The following TMC1 variants were observed in gnomAD, a reference collection of about 807,000 sequenced individuals.
TMC1 encodes transmembrane channel-like protein 1.
Under a neutral mutation model 105.8 loss-of-function variants are expected in TMC1, and 84 were observed. The observed-to-expected ratio is 0.79, with a 90% confidence interval of 0.67 to 0.95. The LOEUF is 0.95. Among genes scored for constraint, TMC1 ranks in the 40% least tolerant of loss-of-function variants. The probability of loss-of-function intolerance (pLI) is 0.00; values close to 1 mark genes in which losing one functional copy is unlikely to be tolerated. For synonymous variants in TMC1, 315 were observed against 311.5 expected, an observed-to-expected ratio of 1.01 and a Z score of -0.12; for missense variants, 817 against 914.1, an observed-to-expected ratio of 0.89 and a Z score of 1.37.
chr9:72,791,796 G>C, intron 15 of TMC1, 90 bp from the exon 16 acceptor site: 2 of 1,061,204 alleles, frequency 1.9e-6, no homozygotes, highest in Non-Finnish European at 2.9e-6. Flanking sequence ...GATCAAAGAA[G>C]CCTAGCTCAG....
At chr9:72,669,251 G>A (rs1053064912) in intron 5 of TMC1, among the ~76,000 whole-genome samples, 2 of 152,188 alleles carry the variant, frequency 1.3e-5, no homozygotes, top group Non-Finnish European at 2.9e-5. Context: ...GGAGGTAGCA[G>A]TGAGCTGGAA....
intron 5 of TMC1, among the ~76,000 whole-genome samples, chr9:72,675,206 G>T (rs1457671561): frequency 6.6e-6 from 1 of 152,150 alleles, no homozygotes; most frequent in African/African-American, 2.4e-5. Context: ...TGAAGAACCA[G>T]AAGTGAGGGT....
At chr9:72,670,005 T>C (rs1159276869) in intron 5 of TMC1, among the ~76,000 whole-genome samples, 2 of 152,112 alleles carry the variant, frequency 1.3e-5, no homozygotes, top group Non-Finnish European at 2.9e-5. Flanking sequence ...TGGAAACTAT[T>C]GCTCTTTCTG....
At chr9:72,819,937 G>A (rs1588100173) in intron 19 of TMC1, among the ~76,000 whole-genome samples, 1 of 152,114 alleles carries the variant, frequency 6.6e-6, no homozygotes, top group East Asian at 1.9e-4. Flanking sequence ...TCTCATCCAA[G>A]AAGAGTGAAA....
intron 17 of TMC1, among the ~76,000 whole-genome samples, chr9:72,797,895 G>A (rs1200409397): frequency 6.6e-6 from 1 of 152,134 alleles, no homozygotes; most frequent in Non-Finnish European, 1.5e-5. Context: ...AAGAGCTCCA[G>A]CACAGCAAAA....
intron 18 of TMC1, among the ~76,000 whole-genome samples, chr9:72,812,644 A>G (rs112261489): frequency 3.3e-5 from 5 of 152,236 alleles, no homozygotes; most frequent in Non-Finnish European, 7.3e-5. Context: ...TTCCCAGGTG[A>G]TGCTGCTGAC....
chr9:72,789,971 A>T (rs1564555643), intron 15 of TMC1, among the ~76,000 whole-genome samples: 2 of 152,206 alleles, frequency 1.3e-5, no homozygotes, highest in African/African-American at 4.8e-5. Context: ...CAGGAATTAA[A>T]CATTATGACC....
At chr9:72,781,746 C>T (rs1265464592) in intron 13 of TMC1, among the ~76,000 whole-genome samples, 3 of 152,062 alleles carry the variant, frequency 2.0e-5, no homozygotes, top group Non-Finnish European at 4.4e-5. Flanking sequence ...CATATAACCT[C>T]CCAAGATTGA....
At chr9:72,636,195 C>T (rs759298089) in intron 4 of TMC1, among the ~76,000 whole-genome samples, 16 of 152,112 alleles carry the variant, frequency 1.1e-4, no homozygotes, top group African/African-American at 1.4e-4. Context: ...TTAAGTTAGA[C>T]GCATCTCTAA....
At chr9:72,762,291 G>C (rs776300134) in intron 12 of TMC1, among the ~76,000 whole-genome samples, 1 of 152,152 alleles carries the variant, frequency 6.6e-6, no homozygotes, top group East Asian at 1.9e-4. Flanking sequence ...GGGTTTGTGT[G>C]ACCTCAATGT....
intron 18 of TMC1, among the ~76,000 whole-genome samples, chr9:72,807,571 A>T (rs1828626342): frequency 6.6e-6 from 1 of 152,226 alleles, no homozygotes; most frequent in East Asian, 1.9e-4. Context: ...CTATAAGTTT[A>T]CTAGCATTTC....
chr9:72,688,732 G>C lies in TMC1; in HGVS notation c.40G>C (p.Glu14Gln), dbSNP rs1483956051. Reference sequence around the variant, plus strand: ...AGTACAAATCAAAGTGGAGGAAAAAGAAGACGAGACTGAGGAAAGCTCAAG... The same window carrying C: ...AGTACAAATCAAAGTGGAGGAAAAACAAGACGAGACTGAGGAAAGCTCAAG... The part of the protein sequence containing the change: ...KKVQIKVEEK[E>Q]DETEESSSEE... Residue 14 changes from glutamate to glutamine, a missense_variant, in exon 6 of 24, where the codon GAA (glutamate) becomes CAA (glutamine). Transcript: ENST00000297784. 6.2e-7 allele frequency: 1 copy of C among 1,612,212 alleles called. No individual in the cohort carries two copies. Among genetic ancestry groups the C allele is most frequent in the Non-Finnish European group, 8.5e-7 (1 of 1,178,826 alleles).
At chr9:72,631,158 T>A (rs1375505165) in intron 4 of TMC1, among the ~76,000 whole-genome samples, 1 of 152,156 alleles carries the variant, frequency 6.6e-6, no homozygotes, top group Non-Finnish European at 1.5e-5. Flanking sequence ...GGATTACAGG[T>A]GTGAGCACCA....
chr9:72,593,092 A>G (rs1214316968), intron 2 of TMC1, among the ~76,000 whole-genome samples: 2 of 152,330 alleles, frequency 1.3e-5, no homozygotes, highest in East Asian at 1.9e-4. Context: ...AAATGGTTGG[A>G]AAAATTGGAT....
chr9:72,716,935 T>C (rs1584126), intron 8 of TMC1, among the ~76,000 whole-genome samples: 84,283 of 151,696 alleles, frequency 0.56, 24,506 homozygotes, highest in African/African-American at 0.74. Context: ...CTGCAGGTTG[T>C]GAAGACCATG....
intron 11 of TMC1, among the ~76,000 whole-genome samples, chr9:72,753,237 G>A (rs1387363316): frequency 1.3e-5 from 2 of 149,018 alleles, no homozygotes; most frequent in Non-Finnish European, 3.0e-5. Context: ...CACACTTTCA[G>A]GTAATGAAGC....
intron 23 of TMC1, among the ~76,000 whole-genome samples, chr9:72,832,970 G>C (rs1273465429): frequency 6.6e-6 from 1 of 151,982 alleles, no homozygotes; most frequent in Non-Finnish European, 1.5e-5. Flanking sequence ...CAATTTGTTA[G>C]TTGATTTTTA....
chr9:72,805,875 C>T (rs1165621651), intron 18 of TMC1, among the ~76,000 whole-genome samples: 1 of 152,198 alleles, frequency 6.6e-6, no homozygotes, highest in African/African-American at 2.4e-5. Context: ...GGTCACAGAT[C>T]AACAGGATCC....
intron 1 of TMC1, among the ~76,000 whole-genome samples, chr9:72,570,744 A>G (rs1035147989): frequency 1.7e-5 from 2 of 114,466 alleles, no homozygotes; most frequent in African/African-American, 7.0e-5. Context: ...GCTGGAGTGC[A>G]GTGGTGCGAT....
Sources: gnomAD v4.1 joint callset for allele counts (sites outside exome capture counted in the v4.1 genomes callset) on GRCh38, gnomAD v4.1.1 for gene constraint, MANE v1.5 for transcripts, NCBI Gene and HGNC (gene_info 2026-07-23, HGNC 2026-07-21) for gene names.